The following LRRC7 variants were observed in gnomAD, a reference collection of about 807,000 sequenced individuals.
LRRC7 encodes the protein leucine-rich repeat-containing protein 7.
A neutral mutation model predicts 175.7 loss-of-function variants in LRRC7; 23 were observed. The ratio of observed to expected loss-of-function variants is 0.13; its 90% CI spans 0.09 to 0.19. The LOEUF (loss-of-function observed/expected upper bound fraction) is 0.19. Among genes scored for constraint, LRRC7 ranks in the 10% least tolerant of loss-of-function variants. LRRC7 has a pLI of 1.00. For missense variants in LRRC7, 1,354 were observed against 1,904.7 expected, an observed-to-expected ratio of 0.71 and a Z score of 5.38; for synonymous variants, 685 against 680.9, an observed-to-expected ratio of 1.01 and a Z score of -0.09.
chr1:69,798,377 A>G (rs1456893801), intron 4 of LRRC7, among the ~76,000 whole-genome samples: 3 of 152,010 alleles, frequency 2.0e-5, no homozygotes, highest in African/African-American at 4.8e-5. Flanking sequence ...TCAAAACTCA[A>G]TTCAGTTGTT....
chr1:70,071,946 A>G (rs1005167080), intron 23 of LRRC7, among the ~76,000 whole-genome samples: 1 of 152,208 alleles, frequency 6.6e-6, no homozygotes, highest in African/African-American at 2.4e-5. Context: ...TCCAACTGTC[A>G]CATAATAAGC....
intron 4 of LRRC7, among the ~76,000 whole-genome samples, chr1:69,803,740 A>G (rs1192774944): frequency 6.6e-6 from 1 of 151,274 alleles, no homozygotes. Flanking sequence ...TTTTTCATAA[A>G]TTACAATCTA....
At chr1:69,783,393 A>C (rs1674002608) in intron 3 of LRRC7, among the ~76,000 whole-genome samples, 1 of 152,158 alleles carries the variant, frequency 6.6e-6, no homozygotes, top group African/African-American at 2.4e-5. Flanking sequence ...ACTAACCCAC[A>C]CTTAAGTGGA....
rs1666474995 is a variant in LRRC7, at chr1:70,126,861, A to G, written c.*4974A>G. ...GGGGCATTTCTGTTTCTAGCGTGTA[A>G]AACTGACCTGTCTTCATTGCTGCAG... On this transcript the variant is annotated 3_prime_UTR_variant, in exon 27 of 27. Coordinates refer to ENST00000651989, the MANE Select transcript of LRRC7 (RefSeq NM_001370785.2). 6.6e-6 allele frequency among the ~76,000 whole-genome samples: 1 copy of G among 152,182 alleles called. No individual in the cohort carries two copies. The highest frequency in any genetic ancestry group is 1.5e-5 in the Non-Finnish European group (1 of 68,036).
Position 69,994,614 on chromosome 1 carries a change from C to T in LRRC7, c.985C>T (p.Leu329=). The T allele has an allele frequency of 6.2e-7, 1 of 1,610,744 alleles. No individual in the cohort carries two copies. Among genetic ancestry groups the T allele is most frequent in the Non-Finnish European group, 8.5e-7 (1 of 1,178,094 alleles). Residue 329 remains leucine, a synonymous_variant, in exon 11 of 27, where the codon CTA becomes TTA. Coordinates refer to ENST00000651989, the MANE Select transcript of LRRC7 (RefSeq NM_001370785.2). ...AGTAGATGACAATCAACTTACAATGCTACCCAATACAATTGGAAAGTAAGT... is the reference window on the plus strand; with the variant it reads ...AGTAGATGACAATCAACTTACAATGTTACCCAATACAATTGGAAAGTAAGT... The part of the protein sequence containing the change: ...LKVDDNQLTM[L]PNTIGNLSLL...
At chr1:70,052,773 A>G (rs1660844462) in intron 22 of LRRC7, among the ~76,000 whole-genome samples, 1 of 152,152 alleles carries the variant, frequency 6.6e-6, no homozygotes, top group Admixed American at 6.6e-5. Flanking sequence ...ACTGTAAATA[A>G]TCTAAATTTT....
chr1:70,125,564 G>A lies in LRRC7; in HGVS notation c.*3677G>A, dbSNP rs1377054718. On this transcript the variant is annotated 3_prime_UTR_variant, in exon 27 of 27. Transcript: ENST00000651989. ...TCCCAGCACTTTGGGAGGCCGAGGC[G>A]GGCGGATCACGAGGTCAGGAGATCG... 3.3e-5 allele frequency among the ~76,000 whole-genome samples: 5 copies of A among 152,010 alleles called. No homozygotes were observed. The highest frequency in any genetic ancestry group is 1.2e-4 in the African/African-American group (5 of 41,400).
chr1:69,694,353 C>T (rs1182728263), intron 2 of LRRC7, among the ~76,000 whole-genome samples: 1 of 152,166 alleles, frequency 6.6e-6, no homozygotes, highest in Non-Finnish European at 1.5e-5. Context: ...CATCATTCTT[C>T]ATGCTGTAAT....
Position 70,137,715 on chromosome 1 carries a change from A to G in LRRC7, c.*15828A>G, listed in dbSNP as rs944656422. Among the ~76,000 whole-genome samples the G allele has an allele frequency of 6.6e-6, 1 of 152,240 alleles. No homozygotes were observed. The highest frequency in any genetic ancestry group is 6.5e-5 in the Admixed American group (1 of 15,294). On this transcript the variant is annotated 3_prime_UTR_variant, in exon 27 of 27. Transcript: ENST00000651989. ...ATCAAGTCTCATGCATGTCATTTAG[A>G]CAGACAGCTGAAATGCTGACATGGC...
At chr1:69,992,944 A>AC (rs1193139667) in intron 10 of LRRC7, among the ~76,000 whole-genome samples, 1 of 152,030 alleles carries the variant, frequency 6.6e-6, no homozygotes, top group Non-Finnish European at 1.5e-5. Context: ...GCTTCTTGTG[A>AC]CCCGATTGAG....
chr1:69,797,656 A>G (rs1569950663), intron 4 of LRRC7, among the ~76,000 whole-genome samples: 1 of 152,232 alleles, frequency 6.6e-6, no homozygotes, highest in East Asian at 1.9e-4. Flanking sequence ...TCTTTCCTAG[A>G]TTACTTGATA....
Position 70,019,827 on chromosome 1 carries a change from C to T in LRRC7, c.1420+1009C>T, listed in dbSNP as rs572059879. 7.9e-5 allele frequency among the ~76,000 whole-genome samples: 12 copies of T among 152,058 alleles called. No individual in the cohort carries two copies. The South Asian group carries it at 2.5e-3, about 32-fold the overall frequency. Reference sequence around the variant, plus strand: ...CCATGTTTACACATTTTATAAGAGACATCTTAAGTAAGGATTATGTTATAT... The same window carrying T: ...CCATGTTTACACATTTTATAAGAGATATCTTAAGTAAGGATTATGTTATAT... On this transcript the variant is annotated intron_variant, in intron 15 of 26. Transcript: ENST00000651989.
intron 4 of LRRC7, among the ~76,000 whole-genome samples, chr1:69,823,055 A>G (rs1434527583): frequency 6.6e-6 from 1 of 152,132 alleles, no homozygotes; most frequent in Non-Finnish European, 1.5e-5. Flanking sequence ...TCTTATTCCA[A>G]ATATTTTTGA....
intron 7 of LRRC7, among the ~76,000 whole-genome samples, chr1:69,914,481 C>A (rs923940982): frequency 2.0e-5 from 3 of 152,218 alleles, no homozygotes; most frequent in Non-Finnish European, 2.9e-5. Context: ...TTAATAAATG[C>A]AACCAAAATG....
chr1:69,862,056 T>G (rs190086835), intron 7 of LRRC7, among the ~76,000 whole-genome samples: 15 of 152,324 alleles, frequency 9.8e-5, no homozygotes, highest in Admixed American at 3.3e-4. Context: ...AGTCTCTGGC[T>G]TGTCTGTACA....
intron 7 of LRRC7, among the ~76,000 whole-genome samples, chr1:69,929,302 T>C (rs1024648187): frequency 3.9e-5 from 6 of 152,208 alleles, no homozygotes; most frequent in Non-Finnish European, 7.3e-5. Context: ...TTTATGCAAC[T>C]GAATGATTAA....
chr1:69,814,613 C>T (rs1678362603), intron 4 of LRRC7, among the ~76,000 whole-genome samples: 1 of 152,106 alleles, frequency 6.6e-6, no homozygotes, highest in South Asian at 2.1e-4. Flanking sequence ...TACTTGGTCA[C>T]CTTTCCAACC....
intron 2 of LRRC7, among the ~76,000 whole-genome samples, chr1:69,749,729 G>A (rs895431659): frequency 5.3e-5 from 8 of 152,092 alleles, no homozygotes; most frequent in African/African-American, 1.9e-4. Flanking sequence ...AGTTTTGGGA[G>A]TAGTGTAAGC....
At chr1:69,859,419 G>A (rs1383450075) in intron 7 of LRRC7, among the ~76,000 whole-genome samples, 1 of 151,986 alleles carries the variant, frequency 6.6e-6, no homozygotes, top group Admixed American at 6.6e-5. Context: ...TACTATATAG[G>A]TGGTATCAAA....
Sources: gnomAD v4.1 joint callset for allele counts (sites outside exome capture counted in the v4.1 genomes callset) on GRCh38, gnomAD v4.1.1 for gene constraint, MANE v1.5 for transcripts, NCBI Gene and HGNC (gene_info 2026-07-23, HGNC 2026-07-21) for gene names.